Variants in GBF1 observed in about 807,000 individuals in gnomAD.
GBF1 encodes Golgi-specific brefeldin A-resistance guanine nucleotide exchange factor 1.
A neutral mutation model predicts 210.5 loss-of-function variants in GBF1; 114 were observed. The observed-to-expected ratio is 0.54, with a 90% confidence interval of 0.47 to 0.63. The LOEUF (loss-of-function observed/expected upper bound fraction) is 0.63. Ranked by LOEUF, GBF1 falls within the 30% of genes least tolerant of loss-of-function variation. The pLI, the probability that GBF1 is intolerant of heterozygous loss-of-function variation, is 0.00. For synonymous variants in GBF1, 850 were observed against 889.2 expected (o/e 0.96, Z 0.78); for missense variants, 1,851 against 2,357.7 (o/e 0.79, Z 4.45).
intron 38 of GBF1, among the ~76,000 whole-genome samples, chr10:102,380,918 G>C (rs1362561200): frequency 6.6e-6 from 1 of 152,050 alleles, no homozygotes; most frequent in Non-Finnish European, 1.5e-5. Flanking sequence ...TGAAACAGGA[G>C]AATCACTTGA....
chr10:102,360,883 G>A lies in GBF1; in HGVS notation c.1393-139G>A, dbSNP rs1346087251. The A allele has an allele frequency of 1.1e-5, 7 of 642,774 alleles. No homozygotes were observed. The Admixed American group carries it at 1.7e-4, about 15-fold the overall frequency. The allele number at this position is 642,774 out of a possible 1,614,324, so 39.8% of individuals were successfully genotyped here. A position where few individuals can be genotyped will look rare whatever the true frequency, so the allele number is the denominator to read the frequency against. ...CCAGCTTCTTGGGAGGCTGAGGAAG[G>A]AGAATATCTTAAACCCAGGAGGCAG... is the stretch of plus-strand genomic sequence containing the variant. On this transcript the variant is annotated intron_variant, in intron 12 of 39. Coordinates refer to ENST00000369983, the MANE Select transcript of GBF1 (RefSeq NM_001377137.1).
chr10:102,231,071 G>T, the GBF1 span: 1 of 1,564,712 alleles, frequency 6.4e-7, no homozygotes. Flanking sequence ...TCGCGCTTCC[G>T]CCATTTGGCG....
intron 3 of GBF1, among the ~76,000 whole-genome samples, chr10:102,337,369 C>CAAA (rs376089186): frequency 8.6e-5 from 8 of 92,592 alleles, no homozygotes; most frequent in Middle Eastern, 5.3e-3. Context: ...GACTCCGCCT[C>CAAA]AAAAAAAAAA....
intron 3 of GBF1, among the ~76,000 whole-genome samples, chr10:102,305,121 G>A (rs534692101): frequency 6.6e-6 from 1 of 152,050 alleles, no homozygotes; most frequent in African/African-American, 2.4e-5. Flanking sequence ...TCTGATCTGG[G>A]ATCCAGCAAT....
chr10:102,365,351 AT>A, intron 17 of GBF1, 45 bp from the exon 18 acceptor site: 1 of 1,505,120 alleles, frequency 6.6e-7, no homozygotes, highest in Non-Finnish European at 9.2e-7. Flanking sequence ...GCCTTGTCTA[AT>A]TTAGAGGCAA....
the GBF1 span, among the ~76,000 whole-genome samples, chr10:102,240,258 C>T: frequency 1.3e-5 from 2 of 152,220 alleles, no homozygotes; most frequent in East Asian, 1.9e-4. Flanking sequence ...CCTATTCCTT[C>T]CTTTCCTGGT....
Position 102,363,854 on chromosome 10 carries a change from T to C in GBF1, c.2106+56T>C. On this transcript the variant is annotated intron_variant, in intron 17 of 39. Transcript: ENST00000369983. The surrounding 1 kb of genome is among the most constrained non-coding windows in gnomAD (Gnocchi z 4.2). ...ACCTCTGTCTGGGTGTCCAGTGTTG[T>C]AGGGTTTCCATCTCAGAAGATGAAG... 1 of 1,038,652 alleles carries C rather than the reference T, an allele frequency of 9.6e-7. No individual in the cohort carries two copies. Among genetic ancestry groups the C allele is most frequent in the South Asian group, 1.3e-5 (1 of 78,042 alleles). The allele number at this position is 1,038,652 out of a possible 1,614,324, so 64.3% of individuals were successfully genotyped here. A position where few individuals can be genotyped will look rare whatever the true frequency, so the allele number is the denominator to read the frequency against.
chr10:102,341,250 G>A (rs1348169644), intron 3 of GBF1, among the ~76,000 whole-genome samples: 1 of 152,134 alleles, frequency 6.6e-6, no homozygotes, highest in Non-Finnish European at 1.5e-5. Flanking sequence ...TAAACCACAT[G>A]GAGCTACTAT....
At chr10:102,286,479 G>A (rs1469861487) in intron 3 of GBF1, among the ~76,000 whole-genome samples, 1 of 152,212 alleles carries the variant, frequency 6.6e-6, no homozygotes, top group African/African-American at 2.4e-5. Flanking sequence ...CAAATGGTAT[G>A]TATGGAAAGC....
chr10:102,375,119 A>C (rs1220660903), intron 29 of GBF1, among the ~76,000 whole-genome samples: 1 of 151,702 alleles, frequency 6.6e-6, no homozygotes, highest in Non-Finnish European at 1.5e-5. Context: ...GGTTGCAGTG[A>C]GCTGTGATTG....
the GBF1 span, chr10:102,230,733 C>A: frequency 6.6e-7 from 1 of 1,504,814 alleles, no homozygotes; most frequent in South Asian, 1.3e-5. Flanking sequence ...CCCCGGAGGA[C>A]ACGGCGGCCG....
chr10:102,329,014 T>C (rs930154756), intron 3 of GBF1, among the ~76,000 whole-genome samples: 1 of 152,198 alleles, frequency 6.6e-6, no homozygotes, highest in Non-Finnish European at 1.5e-5. Flanking sequence ...GGCTTTCAGA[T>C]TGCCTGCTTA....
At chr10:102,293,076 T>A (rs2076573812) in intron 3 of GBF1, among the ~76,000 whole-genome samples, 1 of 152,350 alleles carries the variant, frequency 6.6e-6, no homozygotes, top group African/African-American at 2.4e-5. Flanking sequence ...ATTTTCATTT[T>A]AAAATTTTAA....
At chr10:102,372,082 G>A (rs2135248209) in intron 29 of GBF1, among the ~76,000 whole-genome samples, 1 of 149,066 alleles carries the variant, frequency 6.7e-6, no homozygotes, top group East Asian at 2.0e-4. Flanking sequence ...TGGGCGTGAT[G>A]GTGAGCGCCT....
chr10:102,369,450 C>A, intron 24 of GBF1, 63 bp downstream of exon 24: 1 of 1,295,224 alleles, frequency 7.7e-7, no homozygotes. Context: ...TGTATGCTAC[C>A]TGTACATAGA....
At chr10:102,359,532 G>C in intron 11 of GBF1, 97 bp downstream of exon 11, 1 of 840,544 alleles carries the variant, frequency 1.2e-6, no homozygotes. Context: ...TTGGACTACT[G>C]CCTGTTGCTC....
chr10:102,371,077 ATGAATCTGC>A lies in GBF1; in HGVS notation c.3660+219_3660+227del, dbSNP rs2060181424. On this transcript the variant is annotated intron_variant, in intron 29 of 39. Coordinates refer to ENST00000369983, the MANE Select transcript of GBF1 (RefSeq NM_001377137.1). ...CTTGTGTTTGGCACCTCAGCCTCCT[ATGAATCTGC>A]TTTGTAGGACTGGCCTGCTACTGCC... Among the ~76,000 whole-genome samples, 3 of 152,164 alleles carry A rather than the reference ATGAATCTGC, an allele frequency of 2.0e-5. No homozygotes were observed. In the East Asian group the frequency reaches 5.8e-4, roughly 29 times the overall value.
At chr10:102,306,715 C>T (rs2077915496) in intron 3 of GBF1, among the ~76,000 whole-genome samples, 1 of 152,204 alleles carries the variant, frequency 6.6e-6, no homozygotes. Context: ...TGAGCCACCG[C>T]ACCCAGCCGG....
chr10:102,329,462 T>TTTTG (rs2057159099), intron 3 of GBF1, among the ~76,000 whole-genome samples: 1 of 152,132 alleles, frequency 6.6e-6, no homozygotes, highest in East Asian at 1.9e-4. Context: ...TTTTAAAATT[T>TTTTG]TTTGTTTTGT....
Sources: gnomAD v4.1 joint callset for allele counts (sites outside exome capture counted in the v4.1 genomes callset) on GRCh38, gnomAD v4.1.1 for gene constraint, Gnocchi (gnomAD v3.1) non-coding constraint, MANE v1.5 for transcripts, NCBI Gene and HGNC (gene_info 2026-07-23, HGNC 2026-07-21) for gene names.